The following NLGN1 variants were observed in gnomAD, a reference collection of about 807,000 sequenced individuals.
The protein encoded by NLGN1 is neuroligin-1.
Under a neutral mutation model 65.5 loss-of-function variants are expected in NLGN1, and 12 were observed. The ratio of observed to expected loss-of-function variants is 0.18; its 90% CI spans 0.12 to 0.30. The LOEUF (loss-of-function observed/expected upper bound fraction) is 0.30. NLGN1 is among the 10% of genes least tolerant of loss of function. The pLI, the probability that NLGN1 is intolerant of heterozygous loss-of-function variation, is 1.00. For missense variants in NLGN1, 750 were observed against 1,007.1 expected (o/e 0.74, Z 3.46); for synonymous variants, 350 against 359.5 (o/e 0.97, Z 0.30).
In NLGN1 at chr3:173,605,102, T is replaced by A; in HGVS notation, c.493+11T>A. On this transcript the variant is annotated intron_variant, in intron 3 of 6. Transcript: ENST00000457714. ...TCCCGACTGAGGATGGTGAGTTTATTGCAGGAAAAACAGGGAGATATATTT... is the reference window on the plus strand; with the variant it reads ...TCCCGACTGAGGATGGTGAGTTTATAGCAGGAAAAACAGGGAGATATATTT... 1 of 1,581,256 alleles carries A rather than the reference T, an allele frequency of 6.3e-7. No homozygotes were observed. The highest frequency in any genetic ancestry group is 8.6e-7 in the Non-Finnish European group (1 of 1,165,228).
intron 3 of NLGN1, among the ~76,000 whole-genome samples, chr3:173,722,992 G>T (rs112663044): frequency 6.6e-6 from 1 of 152,134 alleles, no homozygotes; most frequent in Non-Finnish European, 1.5e-5. Context: ...ATAAAATGAC[G>T]GTTAAACAGA....
intron 4 of NLGN1, among the ~76,000 whole-genome samples, chr3:173,887,749 TA>T (rs79307373): frequency 0.13 from 19,439 of 151,868 alleles, 1,925 homozygotes; most frequent in East Asian, 0.42. Context: ...TTTCTAAAAA[TA>T]ACCAGCTCTA....
At chr3:173,580,843 G>A (rs1559996872) in intron 2 of NLGN1, among the ~76,000 whole-genome samples, 1 of 151,882 alleles carries the variant, frequency 6.6e-6, no homozygotes, top group Non-Finnish European at 1.5e-5. Context: ...AATAGTAATA[G>A]CCATTTGCAC....
chr3:173,400,769 A>G (rs1717535357), intron 1 of NLGN1, among the ~76,000 whole-genome samples: 1 of 152,198 alleles, frequency 6.6e-6, no homozygotes, highest in South Asian at 2.1e-4. Context: ...CTGATTTATC[A>G]TGTCATTCGG....
intron 3 of NLGN1, among the ~76,000 whole-genome samples, chr3:173,632,849 G>GTTTTGTTT (rs1755929544): frequency 8.6e-6 from 1 of 116,402 alleles, no homozygotes; most frequent in Admixed American, 9.4e-5. Context: ...TTTTTTTTTT[G>GTTTTGTTT]TTTTTTTTTT....
At chr3:173,963,232 G>A (rs1261757095) in intron 4 of NLGN1, among the ~76,000 whole-genome samples, 1 of 152,036 alleles carries the variant, frequency 6.6e-6, no homozygotes, top group Non-Finnish European at 1.5e-5. Flanking sequence ...GGGCGCCAGG[G>A]GGTGTTGAGT....
At chr3:174,234,341 C>A (rs1388696757) in intron 4 of NLGN1, among the ~76,000 whole-genome samples, 1 of 152,144 alleles carries the variant, frequency 6.6e-6, no homozygotes, top group Non-Finnish European at 1.5e-5. Context: ...CATCCCTTCT[C>A]CCCTGATTCT....
rs181272105 is a variant in NLGN1, at chr3:174,125,158, G to A, written c.647-150157G>A. ...AAAGCCATTCTAAGAGCAATGAAAA[G>A]GCTTAAAGTTTAGATATGATCTTAA... is the stretch of plus-strand genomic sequence containing the variant. On this transcript the variant is annotated intron_variant, in intron 4 of 6. Coordinates refer to ENST00000457714, the Ensembl canonical transcript of NLGN1. Among the ~76,000 whole-genome samples, 45 of 152,148 alleles carry A rather than the reference G, an allele frequency of 3.0e-4. 1 individual carries two copies. The East Asian group carries it at 8.3e-3, about 28-fold the overall frequency.
chr3:173,719,597 G>C (rs1048009580), intron 3 of NLGN1, among the ~76,000 whole-genome samples: 5 of 152,058 alleles, frequency 3.3e-5, no homozygotes, highest in Admixed American at 3.3e-4. Flanking sequence ...AAAAAGATTT[G>C]GGAAATCTAT....
chr3:173,414,708 A>G (rs1044235674), intron 1 of NLGN1, among the ~76,000 whole-genome samples: 2 of 152,194 alleles, frequency 1.3e-5, no homozygotes, highest in Non-Finnish European at 2.9e-5. Context: ...GGACCTGAAC[A>G]TTAATGTCTT....
chr3:174,058,286 A>G (rs183017256), intron 4 of NLGN1, among the ~76,000 whole-genome samples: 1 of 152,120 alleles, frequency 6.6e-6, no homozygotes, highest in African/African-American at 2.4e-5. Context: ...ATTTGCTTGT[A>G]CATTGTTTTG....
chr3:173,539,980 C>T (rs1247618833), intron 2 of NLGN1, among the ~76,000 whole-genome samples: 1 of 150,266 alleles, frequency 6.7e-6, no homozygotes, highest in Non-Finnish European at 1.5e-5. Flanking sequence ...AGTAGGGCAA[C>T]TTTATAATGG....
intron 3 of NLGN1, among the ~76,000 whole-genome samples, chr3:173,774,739 A>C (rs761518388): frequency 2.0e-5 from 3 of 152,040 alleles, no homozygotes; most frequent in Admixed American, 2.0e-4. Context: ...TTCTGAGTAC[A>C]TTGGTACTCT....
intron 4 of NLGN1, among the ~76,000 whole-genome samples, chr3:174,273,991 TAA>T (rs887469697): frequency 6.9e-4 from 104 of 151,758 alleles, no homozygotes; most frequent in African/African-American, 2.4e-3. Flanking sequence ...GCTTATTTTA[TAA>T]AGAGATATAT....
At chr3:174,024,578 T>A (rs1183414645) in intron 4 of NLGN1, among the ~76,000 whole-genome samples, 1 of 152,166 alleles carries the variant, frequency 6.6e-6, no homozygotes, top group African/African-American at 2.4e-5. Context: ...TGTGGCCCTC[T>A]GTAGAACTCA....
At chr3:173,559,883 A>G (rs1742376243) in intron 2 of NLGN1, among the ~76,000 whole-genome samples, 1 of 152,130 alleles carries the variant, frequency 6.6e-6, no homozygotes, top group Admixed American at 6.5e-5. Flanking sequence ...TTATTAATGA[A>G]AAACACTAAT....
At chr3:173,444,560 AT>A (rs1370210789) in intron 2 of NLGN1, among the ~76,000 whole-genome samples, 1 of 152,136 alleles carries the variant, frequency 6.6e-6, no homozygotes, top group Non-Finnish European at 1.5e-5. Flanking sequence ...TTTCAAAAAA[AT>A]ATATATATTC....
At chr3:174,220,435 T>C (rs1433695900) in intron 4 of NLGN1, among the ~76,000 whole-genome samples, 4 of 152,168 alleles carry the variant, frequency 2.6e-5, no homozygotes, top group East Asian at 1.9e-4. Context: ...GTGGTTGTTA[T>C]TGGAATCATA....
At chr3:174,276,804 C>T (rs1396817401) in intron 5 of NLGN1, among the ~76,000 whole-genome samples, 1 of 151,846 alleles carries the variant, frequency 6.6e-6, no homozygotes, top group East Asian at 1.9e-4. Context: ...AAAGAAATGG[C>T]TTCTTTTGAA....
Sources: allele counts gnomAD v4.1 joint callset (sites outside exome capture counted in the v4.1 genomes callset), GRCh38; gene constraint gnomAD v4.1.1; transcripts MANE v1.5; gene names NCBI Gene and HGNC (gene_info 2026-07-23, HGNC 2026-07-21).